Variants in COL2A1 observed in about 807,000 individuals in gnomAD.
COL2A1 encodes collagen type II alpha 1 chain.
A neutral mutation model predicts 204.5 loss-of-function variants in COL2A1; 28 were observed. The observed-to-expected ratio is 0.14, with a 90% CI of 0.10 to 0.19. The LOEUF (loss-of-function observed/expected upper bound fraction) is 0.19, where lower values mean the gene tolerates loss of function less well. Among genes scored for constraint, COL2A1 ranks in the 10% least tolerant of loss-of-function variants. The pLI is 1.00. For missense variants in COL2A1, 1,388 were observed against 2,027.5 expected (o/e 0.68, Z 6.06); for synonymous variants, 708 against 718.7 (o/e 0.99, Z 0.24).
rs73297145 is a variant in COL2A1, at chr12:47,975,719, C to T, written c.3598-114G>A. On this transcript the variant is annotated intron_variant, in intron 50 of 53. Transcript: ENST00000380518. The stretch of plus-strand genomic sequence containing the variant: ...CCTCTTCCCAGCCCCATGGGTGGGG[C>T]GGAGGTGTAGCAGGCGAGGACCAAG... The T allele has an allele frequency of 1.8e-4, 220 of 1,202,728 alleles. No individual in the cohort carries two copies. In the African/African-American group the frequency reaches 2.7e-3, roughly 15 times the overall value. The allele number at this position is 1,202,728 out of a possible 1,614,324, so 74.5% of individuals were successfully genotyped here.
Position 47,983,295 on chromosome 12 carries a change from C to T in COL2A1, c.2049+90G>A, listed in dbSNP as rs1939198924. 4 of 1,507,100 alleles carry T rather than the reference C, an allele frequency of 2.7e-6. No homozygotes were observed. The East Asian group carries it at 9.1e-5, about 34-fold the overall frequency. 93.4% of individuals were successfully genotyped at this position (1,507,100 alleles called of 1,614,324 possible). A position where few individuals can be genotyped will look rare whatever the true frequency, so the allele number is the denominator to read the frequency against. ...CAGGACATTCCCAGGCCTCACAGGG[C>T]TCCTCATGCCCTCTTGCCCTTGCCT... On this transcript the variant is annotated intron_variant, in intron 31 of 53. Coordinates refer to ENST00000380518, the MANE Select transcript of COL2A1 (RefSeq NM_001844.5).
intron 16 of COL2A1, among the ~76,000 whole-genome samples, chr12:47,991,134 T>C (rs951349237): frequency 6.6e-6 from 1 of 152,230 alleles, no homozygotes; most frequent in Non-Finnish European, 1.5e-5. Flanking sequence ...ACAGCCCCTC[T>C]GGGCTGGCCT....
At chr12:47,997,057 C>A (rs1426365018) in intron 7 of COL2A1, among the ~76,000 whole-genome samples, 6 of 152,268 alleles carry the variant, frequency 3.9e-5, no homozygotes, top group African/African-American at 1.4e-4. Context: ...CATCTGTGAT[C>A]CCATTTGAGT....
chr12:47,995,483 G>A (rs1415220992), intron 10 of COL2A1, among the ~76,000 whole-genome samples, 175 bp from the exon 11 acceptor site: 2 of 152,316 alleles, frequency 1.3e-5, no homozygotes, highest in Non-Finnish European at 2.9e-5. Context: ...GCACAGGCTG[G>A]GGTGACCCGG....
At position 47,985,844 on chromosome 12, in the gene COL2A1, G is replaced by T. The variant is rs376634867; in HGVS notation, c.1582-18C>A. On this transcript the variant is annotated intron_variant, in intron 24 of 53. Transcript: ENST00000380518. ...GGGGCTCCCTACAAGGGTACACAGG[G>T]AGTCAGTGGGATACCATGTGACCTC... 3.1e-6 allele frequency: 5 copies of T among 1,599,022 alleles called. No individual in the cohort carries two copies. In the African/African-American group the frequency reaches 5.4e-5, roughly 17 times the overall value.
chr12:47,986,758 G>T, intron 22 of COL2A1, 77 bp downstream of exon 22: 4 of 1,516,348 alleles, frequency 2.6e-6, no homozygotes, highest in East Asian at 2.3e-5. Flanking sequence ...GGAGGGAGGT[G>T]GTGGGTCAGT....
At position 47,982,459 on chromosome 12, in the gene COL2A1, C is replaced by T. The variant is rs368024083; in HGVS notation, c.2301+43G>A. 1.1e-4 allele frequency: 167 copies of T among 1,533,342 alleles called. 1 individual carries two copies. The highest frequency in any genetic ancestry group is 1.4e-4 in the Non-Finnish European group (152 of 1,106,850). 95.0% of individuals were successfully genotyped at this position (1,533,342 alleles called of 1,614,324 possible). A position where few individuals can be genotyped will look rare whatever the true frequency, so the allele number is the denominator to read the frequency against. On this transcript the variant is annotated intron_variant, in intron 34 of 53. Transcript: ENST00000380518. ...GCGATCACAAGGGGCAGGAATGTGG[C>T]AAAGCCACAGCTTTGGTGAGAGGCT... is the stretch of plus-strand genomic sequence containing the variant.
chr12:47,979,650 G>C, intron 40 of COL2A1, 86 bp from the exon 41 acceptor site: 1 of 883,872 alleles, frequency 1.1e-6, no homozygotes, highest in Non-Finnish European at 1.9e-6. Context: ...GGTGGTCTCA[G>C]AGCCTGGTAT....
intron 29 of COL2A1, 27 bp from the exon 30 acceptor site, chr12:47,983,763 G>A (rs1343499519): frequency 6.4e-7 from 1 of 1,568,172 alleles, no homozygotes; most frequent in Non-Finnish European, 8.6e-7. Flanking sequence ...AAGGTGAGCT[G>A]AGCCAGTGTT....
chr12:47,984,287 C>T, intron 28 of COL2A1, 147 bp from the exon 29 acceptor site: 1 of 818,914 alleles, frequency 1.2e-6, no homozygotes, highest in Non-Finnish European at 2.1e-6. Flanking sequence ...CTTCCCCTCC[C>T]TTCCTTCCCA....
At chr12:48,004,029 G>C in intron 1 of COL2A1, 1 of 580,324 alleles carries the variant, frequency 1.7e-6, no homozygotes, top group South Asian at 2.1e-5. Flanking sequence ...AACTGCGATG[G>C]GCACCGAGGA....
chr12:47,979,981 AGGGTG>A (rs1938954796), intron 40 of COL2A1, 23 bp downstream of exon 40: 3 of 1,545,790 alleles, frequency 1.9e-6, no homozygotes, highest in Admixed American at 2.0e-5. Flanking sequence ...TGTGAGGTGC[AGGGTG>A]GGGTGTCAGA....
Position 47,975,903 on chromosome 12 carries a change from G to A in COL2A1, c.3597+60C>T. ...TAAAAGAGGCCCTGAGCAAAAAAGA[G>A]CTCAAGCCTCCCGGATGGTAGGGAC... On this transcript the variant is annotated intron_variant, in intron 50 of 53. Coordinates refer to ENST00000380518, the MANE Select transcript of COL2A1 (RefSeq NM_001844.5). 5.3e-6 allele frequency: 7 copies of A among 1,325,466 alleles called. No homozygotes were observed. The South Asian group carries it at 8.2e-5, about 16-fold the overall frequency. 82.1% of individuals were successfully genotyped at this position (1,325,466 alleles called of 1,614,324 possible). A position where few individuals can be genotyped will look rare whatever the true frequency, so the allele number is the denominator to read the frequency against.
Position 47,980,156 on chromosome 12 carries a change from G to T in COL2A1, c.2626-94C>A. ...CCAACAATGGACCCCTGAGGTTTTCGAAGATGCAGCTTTCTTGGCACTAAA... is the reference window on the plus strand; with the variant it reads ...CCAACAATGGACCCCTGAGGTTTTCTAAGATGCAGCTTTCTTGGCACTAAA... On this transcript the variant is annotated intron_variant, in intron 39 of 53. Transcript: ENST00000380518. The surrounding 1 kb of genome is among the most constrained non-coding windows in gnomAD (Gnocchi z 4.5). 3 of 1,171,864 alleles carry T rather than the reference G, an allele frequency of 2.6e-6. No individual in the cohort carries two copies. The highest frequency in any genetic ancestry group is 3.7e-6 in the Non-Finnish European group (3 of 803,398). The allele number at this position is 1,171,864 out of a possible 1,614,324, so 72.6% of individuals were successfully genotyped here. A position where few individuals can be genotyped will look rare whatever the true frequency, so the allele number is the denominator to read the frequency against.
At chr12:47,982,630 G>A (rs1246180290) in intron 33 of COL2A1, 21 bp from the exon 34 acceptor site, 1 of 1,566,950 alleles carries the variant, frequency 6.4e-7, no homozygotes, top group Non-Finnish European at 8.8e-7. Flanking sequence ...AGGTAAGAGG[G>A]AGTCTGTAGT....
intron 15 of COL2A1, among the ~76,000 whole-genome samples, chr12:47,993,139 C>T (rs886373457): frequency 1.3e-5 from 2 of 152,184 alleles, no homozygotes; most frequent in Non-Finnish European, 2.9e-5. Flanking sequence ...GCGGAACACA[C>T]GAATGTTCCT....
chr12:47,989,245 C>T lies in COL2A1; in HGVS notation c.1105G>A (p.Gly369Ser). 6.2e-7 allele frequency: 1 copy of T among 1,612,822 alleles called. No homozygotes were observed. The highest frequency in any genetic ancestry group is 8.5e-7 in the Non-Finnish European group (1 of 1,179,756). Residue 369 changes from glycine (G) to serine (S), a missense_variant, in exon 18 of 54, where the codon GGT becomes AGT. This residue lies in a region of COL2A1 where 884 missense variants were observed against 1,415.8 expected (regional missense o/e 0.62). Coordinates refer to ENST00000380518, the MANE Select transcript of COL2A1 (RefSeq NM_001844.5). Reference protein sequence around the residue: ...VGPAGGPGFPGAPGAKGEAGP... With the variant: ...VGPAGGPGFPSAPGAKGEAGP... ...GCACGTACCTTGGCTCCAGGAGCACCAGGGAAGCCAGGACCACCAGCAGGA... is the reference window on the plus strand; with the variant it reads ...GCACGTACCTTGGCTCCAGGAGCACTAGGGAAGCCAGGACCACCAGCAGGA...
At chr12:47,973,694 T>C in intron 53 of COL2A1, 141 bp from the exon 54 acceptor site, 1 of 989,252 alleles carries the variant, frequency 1.0e-6, no homozygotes, top group Non-Finnish European at 1.6e-6. Context: ...TCCTGAGACC[T>C]CTTCTTGGCT....
intron 36 of COL2A1, among the ~76,000 whole-genome samples, 189 bp from the exon 37 acceptor site, chr12:47,981,585 G>T (rs1264575835): frequency 6.6e-6 from 1 of 152,234 alleles, no homozygotes; most frequent in African/African-American, 2.4e-5. Context: ...GTTTACCCCA[G>T]CCCAGTTGCC....
Sources: allele counts gnomAD v4.1 joint callset (sites outside exome capture counted in the v4.1 genomes callset), GRCh38; gene constraint gnomAD v4.1.1; regional missense constraint gnomAD v4.1.1; non-coding constraint Gnocchi (gnomAD v3.1); transcripts MANE v1.5; gene names NCBI Gene and HGNC (gene_info 2026-07-23, HGNC 2026-07-21).